PCNT: variants seen among roughly 807,000 people sequenced by gnomAD.
The protein encoded by PCNT is kendrin.
In PCNT, 319 loss-of-function variants were observed where a neutral mutation model predicts 380.4. The ratio of observed to expected loss-of-function variants is 0.84; its 90% CI spans 0.77 to 0.92. The LOEUF (loss-of-function observed/expected upper bound fraction) is 0.92, where lower values mean the gene tolerates loss of function less well. Among genes scored for constraint, PCNT ranks in the 40% least tolerant of loss-of-function variants. PCNT has a pLI of 0.00. For missense variants in PCNT, 4,400 were observed against 4,255.3 expected (o/e 1.03, Z -0.95); for synonymous variants, 1,845 against 1,735.2 (o/e 1.06, Z -1.57).
chr21:46,351,667 T>C, intron 9 of PCNT, 127 bp downstream of exon 9: 1 of 720,962 alleles, frequency 1.4e-6, no homozygotes, highest in South Asian at 1.5e-5. Flanking sequence ...CTGTTTGACA[T>C]CCTGAAGGTT....
intron 41 of PCNT, among the ~76,000 whole-genome samples, 193 bp downstream of exon 41, chr21:46,438,530 G>A (rs547101782): frequency 6.6e-6 from 1 of 152,330 alleles, no homozygotes; most frequent in Admixed American, 6.5e-5. Context: ...CATCTCAGCC[G>A]ACTTCCAGCT....
In PCNT at chr21:46,431,636, C is replaced by T. The variant is rs146717642; in HGVS notation, c.8172C>T (p.Ile2724=). The T allele has an allele frequency of 2.5e-4, 405 of 1,613,798 alleles. 2 individuals are homozygous for T. The highest frequency in any genetic ancestry group is 8.0e-5 in the Non-Finnish European group (94 of 1,179,918). The change falls in exon 38 of 47, where the codon ATC becomes ATT. Residue 2724 remains isoleucine, a synonymous_variant. Transcript: ENST00000359568. The part of the protein sequence containing the change: ...AKDNLQKELR[I]EHSRCEALLA... ...ACAACCTGCAGAAGGAGCTGCGTAT[C>T]GAGCACTCACGCTGCGAGGCCTTGC...
Position 46,428,640 on chromosome 21 carries a change from G to A in PCNT, c.7690+50G>A, listed in dbSNP as rs60356719. The A allele has an allele frequency of 0.091, 133,151 of 1,459,236 alleles. 11,241 individuals are homozygous for A. The highest frequency in any genetic ancestry group is 0.44 in the African/African-American group (31,797 of 72,098). 90.4% of individuals were successfully genotyped at this position (1,459,236 alleles called of 1,614,324 possible). A position where few individuals can be genotyped will look rare whatever the true frequency, so the allele number is the denominator to read the frequency against. Reference sequence around the variant, plus strand: ...TGGGGCCCGGCCTCTGCACCTGCCCGCCCGACACTCACCTGTGTGGCCTTG... The same window carrying A: ...TGGGGCCCGGCCTCTGCACCTGCCCACCCGACACTCACCTGTGTGGCCTTG... On this transcript the variant is annotated intron_variant, in intron 35 of 46. Coordinates refer to ENST00000359568, the MANE Select transcript of PCNT (RefSeq NM_006031.6).
At chr21:46,365,588 A>ATCACTCCCATGGGGTTCTGG (rs1569204857) in intron 14 of PCNT, among the ~76,000 whole-genome samples, 1 of 71,380 alleles carries the variant, frequency 1.4e-5, no homozygotes, top group Admixed American at 1.6e-4. Context: ...TGGGGTTCTG[A>ATCACTCCCATGGGGTTCTGG]TCACTGCCAT....
chr21:46,326,777 G>T (rs1326724541), intron 2 of PCNT, among the ~76,000 whole-genome samples, 188 bp downstream of exon 2: 2 of 152,084 alleles, frequency 1.3e-5, no homozygotes, highest in South Asian at 2.1e-4. Flanking sequence ...ACTTTGGGAG[G>T]CCGAGGCAGG....
At chr21:46,367,809 G>C (rs575226357) in intron 15 of PCNT, among the ~76,000 whole-genome samples, 1 of 147,598 alleles carries the variant, frequency 6.8e-6, no homozygotes, top group African/African-American at 2.5e-5. Flanking sequence ...TGGTCATGTT[G>C]TGTATTCAGA....
intron 27 of PCNT, among the ~76,000 whole-genome samples, chr21:46,405,510 C>G (rs1265244974): frequency 6.6e-6 from 1 of 152,206 alleles, no homozygotes; most frequent in Non-Finnish European, 1.5e-5. Flanking sequence ...CCAGCCTGGC[C>G]AACATGGTGA....
At chr21:46,361,401 GA>G (rs571501854) in intron 13 of PCNT, among the ~76,000 whole-genome samples, 1 of 151,756 alleles carries the variant, frequency 6.6e-6, no homozygotes, top group Non-Finnish European at 1.5e-5. Context: ...AAAGAAAAGA[GA>G]AAAAAAAGAA....
intron 16 of PCNT, among the ~76,000 whole-genome samples, chr21:46,384,002 G>A (rs568599338): frequency 4.9e-5 from 7 of 143,218 alleles, no homozygotes; most frequent in East Asian, 4.5e-4. Context: ...ATTCAGTGGC[G>A]GAAGCGCATT....
At chr21:46,400,921 G>T (rs1372880782) in intron 25 of PCNT, among the ~76,000 whole-genome samples, 2 of 152,186 alleles carry the variant, frequency 1.3e-5, no homozygotes, top group Non-Finnish European at 2.9e-5. Context: ...GAGGACCGCT[G>T]AGCATCACCT....
In PCNT at chr21:46,431,624, G is replaced by A. The variant is rs772195074; in HGVS notation, c.8160G>A (p.Lys2720=). ...AGACGGCCAAGGACAACCTGCAGAA[G>A]GAGCTGCGTATCGAGCACTCACGCT... The part of the protein sequence containing the change: ...HEQTAKDNLQ[K]ELRIEHSRCE... The change falls in exon 38 of 47, where the codon AAG becomes AAA. Residue 2720 remains lysine, a synonymous_variant. Transcript: ENST00000359568. The A allele has an allele frequency of 2.6e-5, 42 of 1,613,914 alleles. No individual in the cohort carries two copies. The highest frequency in any genetic ancestry group is 3.2e-5 in the Non-Finnish European group (38 of 1,179,948).
intron 35 of PCNT, among the ~76,000 whole-genome samples, chr21:46,429,167 A>G (rs1445334205): frequency 6.6e-6 from 1 of 152,078 alleles, no homozygotes; most frequent in East Asian, 1.9e-4. Flanking sequence ...AGTTCAGCCC[A>G]CGGCCCTTGT....
chr21:46,355,755 G>T, intron 12 of PCNT, 129 bp downstream of exon 12: 1 of 893,916 alleles, frequency 1.1e-6, no homozygotes, highest in South Asian at 1.4e-5. Context: ...CTCTTCTTCT[G>T]GGGCTGACAC....
chr21:46,381,183 A>C lies in PCNT; in HGVS notation c.3166-511A>C, dbSNP rs866961413. Among the ~76,000 whole-genome samples the C allele has an allele frequency of 7.4e-5, 10 of 135,276 alleles. 1 individual carries two copies. Among genetic ancestry groups the C allele is most frequent in the African/African-American group, 2.8e-4 (9 of 32,440 alleles). 88.7% of individuals were successfully genotyped at this position (135,276 alleles called of 152,430 possible). On this transcript the variant is annotated intron_variant, in intron 15 of 46. Coordinates refer to ENST00000359568, the MANE Select transcript of PCNT (RefSeq NM_006031.6). The stretch of plus-strand genomic sequence containing the variant: ...CAGAGAAGAGTCCTTCCAAAAAAAA[A>C]AAAAAAAAATCTCTGTGTGTGTGTG...
intron 31 of PCNT, 117 bp downstream of exon 31, chr21:46,418,423 A>G (rs2087116492): frequency 1.4e-6 from 1 of 724,268 alleles, no homozygotes; most frequent in East Asian, 2.7e-5. Flanking sequence ...GCTGACCTCC[A>G]CCCCGGCTCT....
intron 13 of PCNT, among the ~76,000 whole-genome samples, chr21:46,360,213 ATTTTTT>A (rs71318070): frequency 1.8e-4 from 15 of 82,474 alleles, no homozygotes; most frequent in East Asian, 4.1e-4. Context: ...ATAGTTGGCA[ATTTTTT>A]TTTTTTTTTT....
chr21:46,408,439 A>C (rs183534248), intron 27 of PCNT, among the ~76,000 whole-genome samples: 1 of 152,354 alleles, frequency 6.6e-6, no homozygotes, highest in East Asian at 1.9e-4. Flanking sequence ...TGGCTGATTC[A>C]TGTGTAAGTA....
chr21:46,351,377 G>A (rs1311255244), intron 8 of PCNT, 52 bp from the exon 9 acceptor site: 1 of 936,728 alleles, frequency 1.1e-6, no homozygotes, highest in South Asian at 1.3e-5. Flanking sequence ...CACTGCTGGG[G>A]TGGGGGCCTT....
chr21:46,372,163 C>T (rs560766840), intron 15 of PCNT, among the ~76,000 whole-genome samples: 42 of 148,526 alleles, frequency 2.8e-4, no homozygotes, highest in Admixed American at 2.1e-3. Flanking sequence ...ACAAGGCACA[C>T]GCACACACAC....
Sources: gnomAD v4.1 joint callset for allele counts (sites outside exome capture counted in the v4.1 genomes callset) on GRCh38, gnomAD v4.1.1 for gene constraint, MANE v1.5 for transcripts, NCBI Gene and HGNC (gene_info 2026-07-23, HGNC 2026-07-21) for gene names.